PARD3B: variants seen among roughly 807,000 people sequenced by gnomAD.
PARD3B encodes the protein partitioning defective 3 homolog B.
In PARD3B, 103 loss-of-function variants were observed where a neutral mutation model predicts 130.2. The ratio of observed to expected loss-of-function variants is 0.79; its 90% CI spans 0.67 to 0.93. The LOEUF (loss-of-function observed/expected upper bound fraction) is 0.93. Ranked by LOEUF, PARD3B falls within the 40% of genes least tolerant of loss-of-function variation. The pLI, the probability that PARD3B is intolerant of heterozygous loss-of-function variation, is 0.00. For missense variants in PARD3B, 1,609 were observed against 1,499.2 expected (o/e 1.07, Z -1.21); for synonymous variants, 583 against 553.2 (o/e 1.05, Z -0.76).
chr2:204,596,494 C>T (rs1421539460), intron 1 of PARD3B, among the ~76,000 whole-genome samples: 6 of 152,092 alleles, frequency 3.9e-5, no homozygotes, highest in Admixed American at 3.9e-4. Flanking sequence ...AGGGTGAATC[C>T]TGCTGCTCTT....
intron 2 of PARD3B, among the ~76,000 whole-genome samples, chr2:204,818,275 A>T (rs2043214982): frequency 6.6e-6 from 1 of 152,218 alleles, no homozygotes; most frequent in African/African-American, 2.4e-5. Context: ...TATAATCCTC[A>T]GTTCTCACAG....
chr2:204,921,667 C>A (rs1200822696), intron 2 of PARD3B, among the ~76,000 whole-genome samples: 1 of 151,872 alleles, frequency 6.6e-6, no homozygotes, highest in Non-Finnish European at 1.5e-5. Context: ...TGAGAGAGGT[C>A]CTTATTTTAT....
chr2:204,972,964 A>T (rs1297630501), intron 3 of PARD3B, among the ~76,000 whole-genome samples: 1 of 152,158 alleles, frequency 6.6e-6, no homozygotes, highest in Non-Finnish European at 1.5e-5. Context: ...CTGCTGTCAT[A>T]TTCAGCTTCT....
rs377718082 is a variant in PARD3B, at chr2:205,063,251, T to C, written c.504+15561T>C. On this transcript the variant is annotated intron_variant, in intron 4 of 22. Transcript: ENST00000406610. ...TAATGTATTAACCCTAATTTGATCATTATACGTTGTATGAATGTATCAAAG... is the reference window on the plus strand; with the variant it reads ...TAATGTATTAACCCTAATTTGATCACTATACGTTGTATGAATGTATCAAAG... Among the ~76,000 whole-genome samples, 8 of 152,022 alleles carry C rather than the reference T, an allele frequency of 5.3e-5. No homozygotes were observed. In the East Asian group the frequency reaches 1.5e-3, roughly 29 times the overall value.
intron 1 of PARD3B, among the ~76,000 whole-genome samples, chr2:204,580,944 T>C (rs2032521410): frequency 6.6e-6 from 1 of 152,200 alleles, no homozygotes; most frequent in Non-Finnish European, 1.5e-5. Flanking sequence ...AGGTGACATT[T>C]CTATCAGCAG....
At chr2:205,607,831 TAC>T (rs776583001) in intron 22 of PARD3B, among the ~76,000 whole-genome samples, 3,766 of 116,128 alleles carry the variant, frequency 0.032, 62 homozygotes, top group East Asian at 0.09. Context: ...CCAACACCCA[TAC>T]ACACACACAC....
chr2:205,519,706 G>A (rs1008805783), intron 21 of PARD3B, among the ~76,000 whole-genome samples: 1 of 152,152 alleles, frequency 6.6e-6, no homozygotes, highest in Admixed American at 6.5e-5. Context: ...ATCTTTACAT[G>A]TGGGTGTTCC....
chr2:204,641,513 C>G (rs1173799966), intron 1 of PARD3B, among the ~76,000 whole-genome samples: 1 of 151,680 alleles, frequency 6.6e-6, no homozygotes, highest in Non-Finnish European at 1.5e-5. Context: ...TATAGTTGTT[C>G]ATGCTTGTTG....
At chr2:205,070,110 C>CAA (rs1259221969) in intron 4 of PARD3B, among the ~76,000 whole-genome samples, 1 of 152,096 alleles carries the variant, frequency 6.6e-6, no homozygotes, top group Non-Finnish European at 1.5e-5. Flanking sequence ...TGTTCCTTAA[C>CAA]CCATTTGCTA....
intron 2 of PARD3B, among the ~76,000 whole-genome samples, chr2:204,709,779 G>C (rs1214781043): frequency 2.0e-5 from 3 of 152,146 alleles, no homozygotes; most frequent in Non-Finnish European, 4.4e-5. Flanking sequence ...TGGTGTTATA[G>C]GCTACAGCTT....
chr2:205,102,793 C>T (rs537983816), intron 4 of PARD3B, among the ~76,000 whole-genome samples: 6 of 152,134 alleles, frequency 3.9e-5, no homozygotes, highest in South Asian at 2.1e-4. Context: ...TGGCTGGGCG[C>T]GGTGGCTCAA....
chr2:205,466,654 A>C (rs2048633130), intron 20 of PARD3B, among the ~76,000 whole-genome samples: 1 of 152,234 alleles, frequency 6.6e-6, no homozygotes. Flanking sequence ...TTTCGGTTAA[A>C]GCTAATTATG....
intron 22 of PARD3B, among the ~76,000 whole-genome samples, chr2:205,602,440 T>C (rs886607007): frequency 2.6e-5 from 4 of 152,176 alleles, no homozygotes; most frequent in African/African-American, 9.7e-5. Flanking sequence ...GAAGTAGTTT[T>C]AGAAAAAATG....
intron 18 of PARD3B, among the ~76,000 whole-genome samples, chr2:205,334,802 T>G (rs2043251293): frequency 6.6e-6 from 1 of 152,164 alleles, no homozygotes; most frequent in Admixed American, 6.6e-5. Flanking sequence ...AAAATGTTAA[T>G]CCTCAGATCA....
intron 2 of PARD3B, among the ~76,000 whole-genome samples, chr2:204,844,806 C>A (rs183322438): frequency 1.3e-5 from 2 of 151,974 alleles, no homozygotes; most frequent in African/African-American, 4.8e-5. Context: ...AAAAGTTGTA[C>A]GTTTTATTTT....
chr2:205,351,801 G>A lies in PARD3B; in HGVS notation c.2631-49212G>A, dbSNP rs1419450830. ...TAAGTGTAATGTAGGGCAGAAACAA[G>A]AAAAAAAAAAAACGTTGGCTTCCAG... On this transcript the variant is annotated intron_variant, in intron 18 of 22. Coordinates refer to ENST00000406610, the MANE Select transcript of PARD3B (RefSeq NM_001302769.2). The surrounding 1 kb of genome is among the most constrained non-coding windows in gnomAD (Gnocchi z 4.2). Among the ~76,000 whole-genome samples the A allele has an allele frequency of 8.8e-5, 13 of 147,500 alleles. No homozygotes were observed. The highest frequency in any genetic ancestry group is 6.7e-5 in the Admixed American group (1 of 14,902).
At chr2:204,811,400 A>G (rs975496640) in intron 2 of PARD3B, among the ~76,000 whole-genome samples, 1 of 152,178 alleles carries the variant, frequency 6.6e-6, no homozygotes, top group Non-Finnish European at 1.5e-5. Flanking sequence ...TGTATACTAC[A>G]TGATGTTTGA....
intron 2 of PARD3B, among the ~76,000 whole-genome samples, chr2:204,957,944 G>A (rs971850310): frequency 3.3e-5 from 5 of 152,032 alleles, no homozygotes; most frequent in African/African-American, 1.2e-4. Context: ...TTGATAGTTG[G>A]TAACACAGAA....
intron 1 of PARD3B, among the ~76,000 whole-genome samples, chr2:204,588,733 C>T (rs1168155661): frequency 2.0e-5 from 3 of 152,154 alleles, no homozygotes; most frequent in Non-Finnish European, 4.4e-5. Context: ...GTATTCCCCA[C>T]TTTATCCAAA....
Sources: gnomAD v4.1 joint callset for allele counts (sites outside exome capture counted in the v4.1 genomes callset) on GRCh38, gnomAD v4.1.1 for gene constraint, Gnocchi (gnomAD v3.1) non-coding constraint, MANE v1.5 for transcripts, NCBI Gene and HGNC (gene_info 2026-07-23, HGNC 2026-07-21) for gene names.